PAK2: variants seen among roughly 807,000 people sequenced by gnomAD.
The protein encoded by PAK2 is serine/threonine-protein kinase PAK 2.
Under a neutral mutation model 65.9 loss-of-function variants are expected in PAK2, and 21 were observed. The ratio of observed to expected loss-of-function variants is 0.32; its 90% CI spans 0.23 to 0.46. PAK2 has a LOEUF of 0.46. Ranked by LOEUF, PAK2 falls within the 20% of genes least tolerant of loss-of-function variation. PAK2 has a pLI of 1.00. For missense variants in PAK2, 324 were observed against 642.6 expected (o/e 0.50, Z 5.36); for synonymous variants, 204 against 219.7 (o/e 0.93, Z 0.63).
chr3:196,774,981 A>T (rs1714489409), intron 1 of PAK2, among the ~76,000 whole-genome samples: 1 of 152,210 alleles, frequency 6.6e-6, no homozygotes, highest in Non-Finnish European at 1.5e-5. Context: ...AAACATAGAG[A>T]CTGAGAGAAA....
At chr3:196,752,834 C>T (rs1270294791) in intron 1 of PAK2, among the ~76,000 whole-genome samples, 3 of 151,668 alleles carry the variant, frequency 2.0e-5, no homozygotes, top group African/African-American at 7.3e-5. Flanking sequence ...TCAAGTGATC[C>T]GTCTGCCTTG....
At chr3:196,780,419 G>T (rs1417263861) in intron 1 of PAK2, among the ~76,000 whole-genome samples, 1 of 152,194 alleles carries the variant, frequency 6.6e-6, no homozygotes, top group Non-Finnish European at 1.5e-5. Flanking sequence ...CGTCTTACGT[G>T]GATGGTGGCA....
intron 1 of PAK2, among the ~76,000 whole-genome samples, chr3:196,766,142 G>T (rs113772993): frequency 6.6e-6 from 1 of 151,956 alleles, no homozygotes; most frequent in Non-Finnish European, 1.5e-5. Context: ...TGATCCGCCC[G>T]CCTCGACCTC....
intron 2 of PAK2, chr3:196,784,851 A>G (rs963068044): frequency 1.3e-5 from 2 of 151,892 alleles, no homozygotes; most frequent in African/African-American, 4.8e-5. Context: ...CAACAATGTA[A>G]AAGTGTTCCT....
At chr3:196,745,132 T>G (rs1005576826) in intron 1 of PAK2, among the ~76,000 whole-genome samples, 13 of 151,340 alleles carry the variant, frequency 8.6e-5, no homozygotes, top group African/African-American at 2.7e-4. Flanking sequence ...TTTTTTTTTT[T>G]TGTGACAGAG....
intron 2 of PAK2, among the ~76,000 whole-genome samples, chr3:196,799,015 A>G (rs1715340596): frequency 1.3e-5 from 2 of 152,254 alleles, no homozygotes; most frequent in Admixed American, 6.5e-5. Flanking sequence ...CTTTTATTCA[A>G]CAATGTACTG....
Position 196,806,667 on chromosome 3 carries a change from G to A in PAK2, c.557G>A (p.Arg186Gln). The A allele has an allele frequency of 1.2e-6, 2 of 1,605,648 alleles. No homozygotes were observed. Among genetic ancestry groups the A allele is most frequent in the Non-Finnish European group, 1.7e-6 (2 of 1,172,394 alleles). Residue 186 changes from arginine to glutamine, a missense_variant, in exon 6 of 15, where the codon CGA becomes CAA. Around this residue, in one of 5 missense-constraint regions of PAK2, gnomAD observed 183 missense variants for 246.2 expected, o/e 0.74. Coordinates refer to ENST00000327134, the MANE Select transcript of PAK2 (RefSeq NM_002577.4). ...ACTGCTCCTCCCGTTATTGCCCCGC[G>A]ACCGGATCATACGAAATCAGTGAGT... ...EETAPPVIAPRPDHTKSIYTR... is the reference protein window; with the variant it reads ...EETAPPVIAPQPDHTKSIYTR...
At chr3:196,816,504 G>A (rs1204548410) in intron 11 of PAK2, among the ~76,000 whole-genome samples, 5 of 152,052 alleles carry the variant, frequency 3.3e-5, no homozygotes. Flanking sequence ...AATTTTGGAA[G>A]TTCCTCTAAT....
Position 196,831,063 on chromosome 3 carries a change from T to G in PAK2, c.*2658T>G, listed in dbSNP as rs1712065160. On this transcript the variant is annotated 3_prime_UTR_variant, in exon 15 of 15. Transcript: ENST00000327134. ...CACCACACCCAGCTATTTTTTTGTA[T>G]TTTTAGTAGAGACAGAGTCTCACCA... The G allele has an allele frequency of 6.6e-6, 1 of 152,146 alleles. No homozygotes were observed. Among genetic ancestry groups the G allele is most frequent in the Admixed American group, 6.6e-5 (1 of 15,250 alleles). The allele number at this position is 152,146 out of a possible 1,614,324, so 9.4% of individuals were successfully genotyped here.
chr3:196,808,338 G>A (rs141913099), intron 7 of PAK2, among the ~76,000 whole-genome samples: 1,631 of 150,762 alleles, frequency 0.011, 9 homozygotes, highest in Non-Finnish European at 0.018. Flanking sequence ...CGAGGTGGGC[G>A]GATCACAAGG....
chr3:196,805,193 A>AT (rs1315720643), intron 4 of PAK2, among the ~76,000 whole-genome samples, 159 bp from the exon 5 acceptor site: 1 of 151,654 alleles, frequency 6.6e-6, no homozygotes, highest in Non-Finnish European at 1.5e-5. Flanking sequence ...TCTTATATAA[A>AT]TTCTTATTTG....
At chr3:196,805,507 G>T in intron 5 of PAK2, 124 bp downstream of exon 5, 1 of 520,894 alleles carries the variant, frequency 1.9e-6, no homozygotes, top group Non-Finnish European at 3.4e-6. Context: ...CTACTCAATA[G>T]GTGTTTTTAG....
chr3:196,780,641 C>T (rs752679062), intron 1 of PAK2, among the ~76,000 whole-genome samples: 1 of 152,030 alleles, frequency 6.6e-6, no homozygotes, highest in African/African-American at 2.4e-5. Flanking sequence ...TGTTTTTGCT[C>T]CTTTACCTTT....
intron 1 of PAK2, among the ~76,000 whole-genome samples, chr3:196,766,931 C>CGTGTGTGTGTGTGTGTGTGTGTGTGT (rs60929724): frequency 1.5e-5 from 2 of 134,342 alleles, no homozygotes; most frequent in Non-Finnish European, 3.2e-5. Flanking sequence ...AAGTACACCC[C>CGTGTGTGTGTGTGTGTGTGTGTGTGT]GTGTGTGTGT....
intron 2 of PAK2, among the ~76,000 whole-genome samples, chr3:196,796,122 G>T (rs1440060775): frequency 6.6e-6 from 1 of 152,216 alleles, no homozygotes; most frequent in Non-Finnish European, 1.5e-5. Flanking sequence ...CTGCCACTCA[G>T]TTCCTGCCGT....
chr3:196,761,808 A>G (rs1289658365), intron 1 of PAK2, among the ~76,000 whole-genome samples: 1 of 134,058 alleles, frequency 7.5e-6, no homozygotes, highest in African/African-American at 2.8e-5. Flanking sequence ...TCCCTCCCGG[A>G]TGGGGCGGCT....
intron 7 of PAK2, among the ~76,000 whole-genome samples, chr3:196,809,653 T>TAA (rs747365769): frequency 1.7e-4 from 24 of 139,784 alleles, no homozygotes; most frequent in African/African-American, 3.9e-4. Flanking sequence ...AGCTGCTACT[T>TAA]AAAAAAAAAA....
chr3:196,815,489 C>CAAA (rs796383290), intron 11 of PAK2, among the ~76,000 whole-genome samples: 3 of 96,220 alleles, frequency 3.1e-5, no homozygotes, highest in African/African-American at 3.6e-5. Flanking sequence ...AAGATTGTCT[C>CAAA]AAAAAAAAAA....
chr3:196,754,320 C>A (rs553236843), intron 1 of PAK2, among the ~76,000 whole-genome samples: 1 of 152,230 alleles, frequency 6.6e-6, no homozygotes, highest in Admixed American at 6.5e-5. Context: ...TGCCTACTTA[C>A]CATTGAACAG....
Sources: gnomAD v4.1 joint callset for allele counts (sites outside exome capture counted in the v4.1 genomes callset) on GRCh38, gnomAD v4.1.1 for gene constraint, gnomAD v4.1.1 regional missense constraint, MANE v1.5 for transcripts, NCBI Gene and HGNC (gene_info 2026-07-23, HGNC 2026-07-21) for gene names.